The following LOXL2 variants were observed in gnomAD, a reference collection of about 807,000 sequenced individuals.
LOXL2 encodes lysyl oxidase like 2.
LOXL2 carries 70 observed loss-of-function variants against 93.0 expected under a neutral mutation model. The observed-to-expected ratio is 0.75, with a 90% CI of 0.62 to 0.92. The LOEUF is 0.92. Among genes scored for constraint, LOXL2 ranks in the 40% least tolerant of loss-of-function variants. The probability of loss-of-function intolerance (pLI) is 0.00; values close to 1 mark genes in which losing one functional copy is unlikely to be tolerated. For missense variants in LOXL2, 973 were observed against 1,054.9 expected (o/e 0.92, Z 1.08); for synonymous variants, 438 against 413.2 (o/e 1.06, Z -0.73).
intron 1 of LOXL2, among the ~76,000 whole-genome samples, chr8:23,391,147 G>C (rs577057287): frequency 2.6e-5 from 4 of 152,202 alleles, no homozygotes; most frequent in African/African-American, 9.6e-5. Context: ...GGAATTATGG[G>C]AGCTACAATT....
chr8:23,334,439 G>A (rs763522739), intron 4 of LOXL2, among the ~76,000 whole-genome samples: 8 of 152,190 alleles, frequency 5.3e-5, no homozygotes, highest in Non-Finnish European at 1.0e-4. Flanking sequence ...TATTTCCAAT[G>A]AGAAACAATG....
rs757002672 is a variant in LOXL2, at chr8:23,385,918, G to T, written c.-83-17484C>A. 7.8e-6 allele frequency: 6 copies of T among 764,494 alleles called. No homozygotes were observed. In the East Asian group the frequency reaches 9.7e-5, roughly 12 times the overall value. The allele number at this position is 764,494 out of a possible 1,614,324, so 47.4% of individuals were successfully genotyped here. ...GAAATCCAGCACGTACTTTGCGTTT[G>T]CAGCGCATCTCAATTCCAAGCAGCA... On this transcript the variant is annotated intron_variant, in intron 1 of 13. Coordinates refer to ENST00000389131, the MANE Select transcript of LOXL2 (RefSeq NM_002318.3).
rs757857624 is a variant in LOXL2 at position 23,341,027 on chromosome 8, G to A, written c.708C>T (p.Phe236=). 1 of 1,614,152 alleles carries A rather than the reference G, an allele frequency of 6.2e-7. No homozygotes were observed. Among genetic ancestry groups the A allele is most frequent in the East Asian group, 2.2e-5 (1 of 44,864 alleles). ...NSRVVCGMFG[F]PGERTYNTKV... ...TGGTATTGTATGTCCTCTCCCCAGG[G>A]AAGCCAAACATGCCGCAGACCACGC... Residue 236 remains phenylalanine, a synonymous_variant, in exon 4 of 14, where the codon TTC becomes TTT. Transcript: ENST00000389131.
chr8:23,376,533 C>A (rs1804595857), intron 1 of LOXL2, among the ~76,000 whole-genome samples: 2 of 152,100 alleles, frequency 1.3e-5, no homozygotes, highest in Admixed American at 6.6e-5. Flanking sequence ...CCTCCTTGTA[C>A]CTCTGGTAGA....
chr8:23,325,825 G>A (rs12716525), intron 6 of LOXL2, among the ~76,000 whole-genome samples: 88,189 of 152,002 alleles, frequency 0.58, 27,898 homozygotes, highest in Middle Eastern at 0.73. Context: ...GGGTCCCGAT[G>A]CGGGCAGGGG....
chr8:23,327,323 C>G (rs941663107), intron 6 of LOXL2, among the ~76,000 whole-genome samples: 1 of 152,212 alleles, frequency 6.6e-6, no homozygotes, highest in Non-Finnish European at 1.5e-5. Context: ...ACACAGAAAA[C>G]CACTGGATGT....
chr8:23,301,093 AC>A (rs1164530192), intron 12 of LOXL2, among the ~76,000 whole-genome samples: 1 of 152,142 alleles, frequency 6.6e-6, no homozygotes, highest in Non-Finnish European at 1.5e-5. Flanking sequence ...GTAGGTGGGG[AC>A]CGTGGGCCAG....
intron 2 of LOXL2, among the ~76,000 whole-genome samples, chr8:23,362,779 C>T (rs568491312): frequency 6.6e-6 from 1 of 152,206 alleles, no homozygotes; most frequent in East Asian, 1.9e-4. Context: ...ATGTGATGTA[C>T]ATTTGGCCAT....
At chr8:23,321,020 ATC>A (rs1299461955) in intron 7 of LOXL2, among the ~76,000 whole-genome samples, 18 of 152,214 alleles carry the variant, frequency 1.2e-4, no homozygotes, top group African/African-American at 4.1e-4. Context: ...AATTCTTGAC[ATC>A]TCCCACTCTC....
At chr8:23,313,917 C>T (rs1301739521) in intron 9 of LOXL2, among the ~76,000 whole-genome samples, 1 of 134,320 alleles carries the variant, frequency 7.4e-6, no homozygotes, top group African/African-American at 2.7e-5. Context: ...GGCTAATATC[C>T]AGAATCTACA....
intron 12 of LOXL2, among the ~76,000 whole-genome samples, chr8:23,301,304 C>CT (rs1387190159): frequency 3.3e-5 from 5 of 152,168 alleles, no homozygotes; most frequent in Admixed American, 1.3e-4. Context: ...CACAATGCCC[C>CT]TTTTCTCCCC....
chr8:23,319,958 T>G lies in LOXL2; in HGVS notation c.1397A>C (p.Gln466Pro). The change falls in exon 8 of 14, where the codon CAA becomes CCA. Residue 466 changes from glutamine to proline, a missense_variant. Coordinates refer to ENST00000389131, the MANE Select transcript of LOXL2 (RefSeq NM_002318.3). The part of the protein sequence containing the change: ...GSLVWGMVCG[Q>P]NWGIVEAMVV... ...CATGGCCTCCACGATGCCCCAGTTT[T>G]GGCCACACACCATCCCCCACACAAG... 6.2e-7 allele frequency: 1 copy of G among 1,614,062 alleles called. No individual in the cohort carries two copies. Among genetic ancestry groups the G allele is most frequent in the Non-Finnish European group, 8.5e-7 (1 of 1,179,952 alleles).
At chr8:23,402,857 C>G (rs898721060) in intron 1 of LOXL2, 1 of 152,132 alleles carries the variant, frequency 6.6e-6, no homozygotes, top group South Asian at 2.1e-4. Flanking sequence ...GAGCATGTTT[C>G]TGTCATGCAC....
chr8:23,371,033 A>G (rs1442279292), intron 1 of LOXL2: 3 of 152,298 alleles, frequency 2.0e-5, no homozygotes, highest in Admixed American at 2.0e-4. Context: ...AGAAGACAAG[A>G]TAGAAAGAAA....
At chr8:23,367,814 G>A (rs1024317935) in intron 2 of LOXL2, among the ~76,000 whole-genome samples, 183 bp downstream of exon 2, 8 of 138,330 alleles carry the variant, frequency 5.8e-5, no homozygotes, top group African/African-American at 2.0e-4. Context: ...CAAGCCCCCC[G>A]ACCCCGCCTT....
chr8:23,359,531 G>A (rs1015772253), intron 3 of LOXL2, among the ~76,000 whole-genome samples: 1 of 152,122 alleles, frequency 6.6e-6, no homozygotes, highest in African/African-American at 2.4e-5. Flanking sequence ...ATAAGAGCCT[G>A]CGTGGGAGGG....
At chr8:23,382,028 C>A (rs1438442884) in intron 1 of LOXL2, among the ~76,000 whole-genome samples, 2 of 152,236 alleles carry the variant, frequency 1.3e-5, no homozygotes, top group Admixed American at 6.5e-5. Flanking sequence ...CACAGCCTTG[C>A]TGATGATGCT....
intron 6 of LOXL2, among the ~76,000 whole-genome samples, chr8:23,323,429 T>A (rs144571306): frequency 1.3e-5 from 2 of 152,344 alleles, no homozygotes; most frequent in East Asian, 3.9e-4. Flanking sequence ...CACTGTCCTC[T>A]TTCTGCCTCC....
intron 1 of LOXL2, among the ~76,000 whole-genome samples, chr8:23,401,690 T>C (rs1240603245): frequency 6.6e-6 from 1 of 152,232 alleles, no homozygotes; most frequent in Non-Finnish European, 1.5e-5. Flanking sequence ...CCTTCGCTGA[T>C]GGTCATGTCT....
Sources: allele counts gnomAD v4.1 joint callset (sites outside exome capture counted in the v4.1 genomes callset), GRCh38; gene constraint gnomAD v4.1.1; transcripts MANE v1.5; gene names NCBI Gene and HGNC (gene_info 2026-07-23, HGNC 2026-07-21).